The following KIAA1328 variants were observed in gnomAD, a reference collection of about 807,000 sequenced individuals.
KIAA1328 encodes the protein protein hinderin.
KIAA1328 carries 52 observed loss-of-function variants against 68.1 expected under a neutral mutation model. That is an observed-to-expected ratio of 0.76 (90% CI 0.61 to 0.96). The LOEUF (loss-of-function observed/expected upper bound fraction) is 0.96. KIAA1328 is among the 40% of genes least tolerant of loss of function. The pLI is 0.00. For synonymous variants in KIAA1328, 232 were observed against 239.4 expected, an observed-to-expected ratio of 0.97 and a Z score of 0.28; for missense variants, 641 against 677.6, an observed-to-expected ratio of 0.95 and a Z score of 0.60.
At chr18:37,061,886 A>C (rs1212750193) in intron 6 of KIAA1328, among the ~76,000 whole-genome samples, 1 of 152,184 alleles carries the variant, frequency 6.6e-6, no homozygotes, top group Non-Finnish European at 1.5e-5. Context: ...ATGTCTGTGT[A>C]CAAGCCCTAG....
chr18:37,229,547 C>G (rs1421129917), downstream of KIAA1328: 2 of 1,273,632 alleles, frequency 1.6e-6, no homozygotes, highest in African/African-American at 1.5e-5. Context: ...TTTACTTCTT[C>G]CCTTCTCTTT....
At chr18:37,206,323 T>C (rs1484536303) in intron 9 of KIAA1328, among the ~76,000 whole-genome samples, 1 of 152,178 alleles carries the variant, frequency 6.6e-6, no homozygotes, top group Admixed American at 6.5e-5. Flanking sequence ...GGTGGTAGGG[T>C]TGAGGACAGA....
chr18:37,027,864 A>G (rs1419622080), intron 6 of KIAA1328, among the ~76,000 whole-genome samples: 1 of 152,196 alleles, frequency 6.6e-6, no homozygotes, highest in African/African-American at 2.4e-5. Context: ...CAAAATTGAC[A>G]AATGGGATCT....
chr18:36,997,537 G>T (rs2053437857), intron 6 of KIAA1328, among the ~76,000 whole-genome samples: 1 of 152,136 alleles, frequency 6.6e-6, no homozygotes, highest in Admixed American at 6.5e-5. Context: ...ACCATGGGTT[G>T]GGACTGCTTT....
intron 5 of KIAA1328, 106 bp from the exon 6 acceptor site, chr18:36,959,199 TATG>T: frequency 9.6e-7 from 1 of 1,041,484 alleles, no homozygotes. Context: ...TCTCGCCAAA[TATG>T]ATTGCATTTC....
chr18:37,188,311 T>G (rs948662630), intron 9 of KIAA1328, among the ~76,000 whole-genome samples: 1 of 152,148 alleles, frequency 6.6e-6, no homozygotes, highest in African/African-American at 2.4e-5. Context: ...CTAGACCAGT[T>G]GATAATACCC....
At chr18:36,980,204 G>A (rs1598881906) in intron 6 of KIAA1328, among the ~76,000 whole-genome samples, 2 of 152,288 alleles carry the variant, frequency 1.3e-5, no homozygotes, top group East Asian at 3.9e-4. Flanking sequence ...TATTCAGCCT[G>A]TGGTATTCTC....
chr18:37,194,315 T>C (rs916046090), intron 9 of KIAA1328, among the ~76,000 whole-genome samples: 6 of 152,222 alleles, frequency 3.9e-5, no homozygotes, highest in Non-Finnish European at 8.8e-5. Flanking sequence ...GTGAAAATAG[T>C]ATCTTGTAGT....
chr18:37,060,855 C>T (rs118071969), intron 6 of KIAA1328, among the ~76,000 whole-genome samples: 2,976 of 152,278 alleles, frequency 0.02, 39 homozygotes, highest in Non-Finnish European at 0.032. Context: ...CTGTGGCTCA[C>T]GCCTGTAATC....
intron 4 of KIAA1328, among the ~76,000 whole-genome samples, chr18:36,875,364 C>T (rs1277087322): frequency 6.6e-6 from 1 of 152,064 alleles, no homozygotes; most frequent in Non-Finnish European, 1.5e-5. Flanking sequence ...GTGTAGTTCT[C>T]CTTGAAGAGG....
chr18:37,051,981 G>A (rs1352954061), intron 6 of KIAA1328, among the ~76,000 whole-genome samples: 2 of 151,724 alleles, frequency 1.3e-5, no homozygotes, highest in Non-Finnish European at 2.9e-5. Flanking sequence ...GGTGGAGGTT[G>A]CAGTGAGCCA....
intron 6 of KIAA1328, among the ~76,000 whole-genome samples, chr18:37,028,345 T>C (rs923431660): frequency 6.6e-6 from 1 of 152,164 alleles, no homozygotes; most frequent in African/African-American, 2.4e-5. Flanking sequence ...TGGATGTTGT[T>C]GGTGAACAGA....
intron 6 of KIAA1328, among the ~76,000 whole-genome samples, chr18:37,008,006 C>T (rs1025041260): frequency 6.6e-6 from 1 of 152,170 alleles, no homozygotes; most frequent in Admixed American, 6.5e-5. Flanking sequence ...GAAACTAAAA[C>T]TGATAGAAAT....
intron 6 of KIAA1328, among the ~76,000 whole-genome samples, chr18:36,969,503 T>C (rs2052083205): frequency 6.6e-6 from 1 of 152,160 alleles, no homozygotes; most frequent in Non-Finnish European, 1.5e-5. Flanking sequence ...GAGACTATTA[T>C]GAACACCTCT....
intron 4 of KIAA1328, among the ~76,000 whole-genome samples, chr18:36,878,721 C>CT (rs2048227374): frequency 6.6e-6 from 1 of 152,066 alleles, no homozygotes; most frequent in African/African-American, 2.4e-5. Flanking sequence ...TCTTTTCATT[C>CT]TTTTTTTCTC....
At chr18:37,004,378 A>G (rs933968497) in intron 6 of KIAA1328, among the ~76,000 whole-genome samples, 1 of 152,024 alleles carries the variant, frequency 6.6e-6, no homozygotes, top group Non-Finnish European at 1.5e-5. Context: ...ACTAATATCC[A>G]GAATCTACAG....
At chr18:37,099,289 G>A (rs937728681) in intron 7 of KIAA1328, among the ~76,000 whole-genome samples, 27 of 152,216 alleles carry the variant, frequency 1.8e-4, no homozygotes, top group African/African-American at 5.3e-4. Flanking sequence ...TGTTCTCATT[G>A]GTTTCAAAGA....
At chr18:37,031,809 T>C (rs1326311675) in intron 6 of KIAA1328, among the ~76,000 whole-genome samples, 1 of 152,222 alleles carries the variant, frequency 6.6e-6, no homozygotes, top group African/African-American at 2.4e-5. Context: ...ATTTCTATTC[T>C]ATACTCACTG....
chr18:36,866,616 C>A (rs929269854), intron 4 of KIAA1328, among the ~76,000 whole-genome samples: 6 of 151,734 alleles, frequency 4.0e-5, no homozygotes, highest in Non-Finnish European at 7.4e-5. Context: ...TAAGACAAAC[C>A]CTCTGCTTCT....
Sources: allele counts gnomAD v4.1 joint callset (sites outside exome capture counted in the v4.1 genomes callset), GRCh38; gene constraint gnomAD v4.1.1; transcripts MANE v1.5; gene names NCBI Gene and HGNC (gene_info 2026-07-23, HGNC 2026-07-21).